The following SAP30BP variants were observed in gnomAD, a reference collection of about 807,000 sequenced individuals.
SAP30BP encodes SAP30 binding protein.
SAP30BP carries 31 observed loss-of-function variants against 46.3 expected under a neutral mutation model. That is an observed-to-expected ratio of 0.67 (90% CI 0.50 to 0.90). The LOEUF (loss-of-function observed/expected upper bound fraction) is 0.90. Ranked by LOEUF, SAP30BP falls within the 40% of genes least tolerant of loss-of-function variation. The pLI is 0.00. For missense variants in SAP30BP, 312 were observed against 391.0 expected (o/e 0.80, Z 1.70); for synonymous variants, 169 against 144.2 (o/e 1.17, Z -1.23).
chr17:75,702,427 G>T, intron 5 of SAP30BP, 53 bp from the exon 6 acceptor site: 1 of 739,930 alleles, frequency 1.4e-6, no homozygotes, highest in South Asian at 1.7e-5. Flanking sequence ...TGGGACGGTG[G>T]AGGGGTGGGC....
chr17:75,698,983 A>G (rs554321013), intron 4 of SAP30BP, among the ~76,000 whole-genome samples: 2 of 152,222 alleles, frequency 1.3e-5, no homozygotes, highest in Admixed American at 1.3e-4. Flanking sequence ...GCTTGATCCA[A>G]CAGTTCAAGA....
chr17:75,705,032 T>C, intron 9 of SAP30BP: 2 of 544,642 alleles, frequency 3.7e-6, no homozygotes, highest in Non-Finnish European at 6.6e-6. Context: ...GTTTGCTACA[T>C]TGTGCCCCCC....
At chr17:75,675,750 A>G (rs1278977609) in intron 3 of SAP30BP, among the ~76,000 whole-genome samples, 3 of 152,036 alleles carry the variant, frequency 2.0e-5, no homozygotes, top group African/African-American at 7.2e-5. Context: ...CCCCATTTCT[A>G]TAAAAAAAAT....
intron 3 of SAP30BP, among the ~76,000 whole-genome samples, chr17:75,689,002 G>T (rs2060203315): frequency 6.6e-6 from 1 of 152,114 alleles, no homozygotes; most frequent in Non-Finnish European, 1.5e-5. Context: ...AGTCTCAGGT[G>T]GGGTCTGGGT....
At chr17:75,667,767 G>T (rs888652904) in intron 1 of SAP30BP, among the ~76,000 whole-genome samples, 2 of 152,234 alleles carry the variant, frequency 1.3e-5, no homozygotes, top group African/African-American at 4.8e-5. Flanking sequence ...GCCACTGCCT[G>T]TTTCCCCTGG....
intron 3 of SAP30BP, among the ~76,000 whole-genome samples, chr17:75,682,119 T>C (rs2148388324): frequency 6.6e-6 from 1 of 152,184 alleles, no homozygotes; most frequent in Admixed American, 6.5e-5. Context: ...GTCAAATTAT[T>C]GTAGCAAGAT....
intron 3 of SAP30BP, 92 bp downstream of exon 3, chr17:75,671,955 A>G (rs1286597547): frequency 2.0e-6 from 2 of 1,008,492 alleles, no homozygotes; most frequent in Non-Finnish European, 3.2e-6. Context: ...GATCTGTCCC[A>G]CTGACAAACT....
intron 3 of SAP30BP, among the ~76,000 whole-genome samples, chr17:75,681,953 C>T (rs562459189): frequency 2.0e-5 from 3 of 151,974 alleles, no homozygotes; most frequent in Non-Finnish European, 2.9e-5. Flanking sequence ...TTTGTTGATG[C>T]GCTGCTGGCG....
chr17:75,688,759 G>C (rs187087516), intron 3 of SAP30BP, among the ~76,000 whole-genome samples: 2 of 152,068 alleles, frequency 1.3e-5, no homozygotes, highest in African/African-American at 4.8e-5. Context: ...TCCTTCCTGC[G>C]CTCCAGTCAG....
intron 3 of SAP30BP, among the ~76,000 whole-genome samples, chr17:75,675,927 A>T (rs2059983223): frequency 6.6e-6 from 1 of 152,132 alleles, no homozygotes; most frequent in South Asian, 2.1e-4. Flanking sequence ...AAACAAACAA[A>T]CCTATTACAT....
chr17:75,688,280 C>T (rs1004757719), intron 3 of SAP30BP, among the ~76,000 whole-genome samples: 3 of 152,250 alleles, frequency 2.0e-5, no homozygotes, highest in East Asian at 1.9e-4. Context: ...CTATTGTGCT[C>T]GTGAAGTGAG....
chr17:75,704,770 AT>A lies in SAP30BP; in HGVS notation c.618del (p.Ile206MetfsTer19). On this transcript the variant is annotated frameshift_variant, in exon 9 of 11. Coordinates refer to ENST00000584667, the MANE Select transcript of SAP30BP (RefSeq NM_013260.8). LOFTEE classifies it high-confidence loss of function. ...YYEALAKAQK[I>X]EMDKLEKAKK... ...TGTCTTCATAGCCAAGGCCCAGAAA[AT>A]TGAGATGGACAAATTGGAAAAGGCC... The A allele has an allele frequency of 6.2e-7, 1 of 1,613,874 alleles. No homozygotes were observed. The highest frequency in any genetic ancestry group is 8.5e-7 in the Non-Finnish European group (1 of 1,179,896).
chr17:75,681,858 A>C (rs1249243035), intron 3 of SAP30BP, among the ~76,000 whole-genome samples: 4 of 152,056 alleles, frequency 2.6e-5, no homozygotes, highest in Non-Finnish European at 5.9e-5. Context: ...CTGATATTGA[A>C]GGATATTTAG....
At chr17:75,676,343 C>T (rs1599104483) in intron 3 of SAP30BP, among the ~76,000 whole-genome samples, 1 of 152,012 alleles carries the variant, frequency 6.6e-6, no homozygotes, top group Non-Finnish European at 1.5e-5. Context: ...TTTGTTCTGT[C>T]GTATCAAAAA....
At chr17:75,678,596 T>G (rs1290329953) in intron 3 of SAP30BP, among the ~76,000 whole-genome samples, 1 of 152,162 alleles carries the variant, frequency 6.6e-6, no homozygotes, top group African/African-American at 2.4e-5. Context: ...TAGCATTGGC[T>G]GAACTGACCA....
intron 3 of SAP30BP, among the ~76,000 whole-genome samples, chr17:75,673,920 A>T (rs538211047): frequency 2.0e-5 from 3 of 152,138 alleles, no homozygotes; most frequent in African/African-American, 7.2e-5. Flanking sequence ...GTGCATTTCA[A>T]GTTTTACTGT....
intron 4 of SAP30BP, among the ~76,000 whole-genome samples, chr17:75,699,445 G>A (rs1229856012): frequency 6.6e-6 from 1 of 151,416 alleles, no homozygotes; most frequent in East Asian, 1.9e-4. Context: ...GCCTACCTTG[G>A]CTTCCCAAAA....
chr17:75,698,084 C>T (rs949921771), intron 4 of SAP30BP, among the ~76,000 whole-genome samples: 6 of 152,206 alleles, frequency 3.9e-5, no homozygotes, highest in South Asian at 2.1e-4. Context: ...TTTTGAAGAG[C>T]GCAGACAGAA....
chr17:75,699,843 C>T lies in SAP30BP; in HGVS notation c.368C>T (p.Pro123Leu), dbSNP rs1422494158. The stretch of plus-strand genomic sequence containing the variant: ...GATGAAATCAAGATCCCGCCAGAAC[C>T]CCCTGGCAGATGTTCAAATCACTTG... ...SPDEIKIPPEPPGRCSNHLQD... is the reference protein window; with the variant it reads ...SPDEIKIPPELPGRCSNHLQD... Residue 123 changes from proline (P) to leucine (L), a missense_variant, in exon 5 of 11, where the codon CCC (proline) becomes CTC (leucine). By Grantham distance (98) the Pro-to-Leu change is moderately conservative (BLOSUM62 -3). Transcript: ENST00000584667. The T allele has an allele frequency of 1.2e-6, 2 of 1,613,062 alleles. No individual in the cohort carries two copies. Among genetic ancestry groups the T allele is most frequent in the South Asian group, 1.1e-5 (1 of 91,010 alleles).
Sources: gnomAD v4.1 joint callset for allele counts (sites outside exome capture counted in the v4.1 genomes callset) on GRCh38, gnomAD v4.1.1 for gene constraint, MANE v1.5 for transcripts, NCBI Gene and HGNC (gene_info 2026-07-23, HGNC 2026-07-21) for gene names.